CSMD3: variants seen among roughly 807,000 people sequenced by gnomAD.
CSMD3 encodes the protein CUB and sushi domain-containing protein 3.
CSMD3 carries 177 observed loss-of-function variants against 435.2 expected under a neutral mutation model. The observed-to-expected ratio is 0.41, with a 90% CI of 0.36 to 0.46. The LOEUF is 0.46. Among genes scored for constraint, CSMD3 ranks in the 20% least tolerant of loss-of-function variants. CSMD3 has a pLI of 0.34. For missense variants in CSMD3, 4,265 were observed against 4,504.6 expected, an observed-to-expected ratio of 0.95 and a Z score of 1.52; for synonymous variants, 1,656 against 1,520.5, an observed-to-expected ratio of 1.09 and a Z score of -2.07.
At position 113,376,650 on chromosome 8, in the gene CSMD3, CCAGG is replaced by C. The variant is rs1476310252; in HGVS notation, c.178+60023_178+60026del. The C allele has an allele frequency of 6.1e-6, 9 of 1,464,456 alleles. No individual in the cohort carries two copies. In the African/African-American group the frequency reaches 1.3e-4, roughly 20 times the overall value. The allele number at this position is 1,464,456 out of a possible 1,614,324, so 90.7% of individuals were successfully genotyped here. The stretch of plus-strand genomic sequence containing the variant: ...TACCACTCTCTCTTTCCAGACCTGG[CCAGG>C]CAGGAGGCGCCATCATGGGAGTTGA... On this transcript the variant is annotated intron_variant, in intron 1 of 70. Coordinates refer to ENST00000297405, the MANE Select transcript of CSMD3 (RefSeq NM_198123.2).
At chr8:112,386,397 T>TG (rs1166178299) in intron 36 of CSMD3, among the ~76,000 whole-genome samples, 6 of 152,154 alleles carry the variant, frequency 3.9e-5, no homozygotes, top group Admixed American at 3.9e-4. Flanking sequence ...AAGCAGAATT[T>TG]GGCCAGAAGA....
intron 1 of CSMD3, among the ~76,000 whole-genome samples, chr8:113,360,570 CTTTTTT>C (rs35009987): frequency 2.2e-5 from 2 of 88,908 alleles, no homozygotes; most frequent in African/African-American, 9.3e-5. Flanking sequence ...TGACTTCAGT[CTTTTTT>C]TTTTTTTTTT....
chr8:112,548,287 ACC>A (rs2131176074), intron 27 of CSMD3, among the ~76,000 whole-genome samples: 1 of 152,096 alleles, frequency 6.6e-6, no homozygotes, highest in South Asian at 2.1e-4. Flanking sequence ...TTAGATTGGG[ACC>A]TTTGATGTGG....
intron 32 of CSMD3, among the ~76,000 whole-genome samples, chr8:112,446,102 A>T (rs1815575853): frequency 6.6e-6 from 1 of 152,206 alleles, no homozygotes; most frequent in African/African-American, 2.4e-5. Flanking sequence ...ATCAATGAAC[A>T]TCCATGATAA....
At chr8:112,906,113 C>G (rs1358476856) in intron 10 of CSMD3, among the ~76,000 whole-genome samples, 1 of 151,342 alleles carries the variant, frequency 6.6e-6, no homozygotes, top group Non-Finnish European at 1.5e-5. Flanking sequence ...AAACTTCCAG[C>G]CTCCAGAACT....
At chr8:112,650,637 A>G (rs1388371294) in intron 18 of CSMD3, among the ~76,000 whole-genome samples, 1 of 152,206 alleles carries the variant, frequency 6.6e-6, no homozygotes, top group Non-Finnish European at 1.5e-5. Flanking sequence ...ATATATCACA[A>G]TAATCATAGC....
rs1456873519 is a variant in CSMD3, at chr8:113,302,875, G to A, written c.401+11696C>T. On this transcript the variant is annotated intron_variant, in intron 2 of 70. Transcript: ENST00000297405. ...CAAGACAGGGATGCCCTCTCTCACC[G>A]CTCCTATTCAACATAGTGTTGGAAG... Among the ~76,000 whole-genome samples the A allele has an allele frequency of 7.6e-3, 1,092 of 142,976 alleles. 15 individuals are homozygous for A. The highest frequency in any genetic ancestry group is 0.027 in the African/African-American group (1,003 of 37,678). The allele number at this position is 142,976 out of a possible 152,430, so 93.8% of individuals were successfully genotyped here.
intron 27 of CSMD3, among the ~76,000 whole-genome samples, chr8:112,528,136 TA>T (rs1179559409): frequency 1.3e-5 from 2 of 152,170 alleles, no homozygotes; most frequent in Non-Finnish European, 2.9e-5. Flanking sequence ...CACCACTTTT[TA>T]AAAAAATTTT....
chr8:112,824,837 C>G (rs1028879024), intron 12 of CSMD3, among the ~76,000 whole-genome samples: 2 of 152,044 alleles, frequency 1.3e-5, no homozygotes, highest in Non-Finnish European at 2.9e-5. Context: ...TTTCCTGAAT[C>G]TGAATGTTGG....
chr8:112,856,236 T>C (rs1489786818), intron 11 of CSMD3, among the ~76,000 whole-genome samples: 1 of 151,870 alleles, frequency 6.6e-6, no homozygotes, highest in Non-Finnish European at 1.5e-5. Context: ...TAAATGAACA[T>C]CAAAAATGTA....
intron 12 of CSMD3, among the ~76,000 whole-genome samples, chr8:112,811,020 T>C (rs555133233): frequency 2.6e-5 from 4 of 152,124 alleles, no homozygotes; most frequent in African/African-American, 9.6e-5. Flanking sequence ...TATTCACTAT[T>C]GGTTCACTTA....
At chr8:112,335,081 T>A (rs1394143059) in intron 45 of CSMD3, among the ~76,000 whole-genome samples, 1 of 152,210 alleles carries the variant, frequency 6.6e-6, no homozygotes, top group East Asian at 1.9e-4. Flanking sequence ...AAATGATTAT[T>A]TTCCAGTGGG....
intron 27 of CSMD3, among the ~76,000 whole-genome samples, chr8:112,537,572 C>G (rs1372096598): frequency 3.3e-5 from 5 of 151,688 alleles, no homozygotes; most frequent in African/African-American, 1.2e-4. Flanking sequence ...CACAGAAACA[C>G]AAGGAATTAT....
chr8:112,678,996 G>C (rs996417547), intron 16 of CSMD3, among the ~76,000 whole-genome samples: 4 of 151,154 alleles, frequency 2.6e-5, no homozygotes, highest in African/African-American at 9.7e-5. Flanking sequence ...CAGAAAAAAG[G>C]AGACAGGAGG....
At chr8:113,402,829 T>C (rs2094516003) in intron 1 of CSMD3, among the ~76,000 whole-genome samples, 1 of 151,324 alleles carries the variant, frequency 6.6e-6, no homozygotes, top group African/African-American at 2.4e-5. Context: ...TAGTAAATAA[T>C]TTATTAGGAA....
intron 18 of CSMD3, among the ~76,000 whole-genome samples, chr8:112,651,165 GTAAT>G (rs2075117567): frequency 6.6e-6 from 1 of 152,032 alleles, no homozygotes; most frequent in African/African-American, 2.4e-5. Flanking sequence ...ACTATAACAA[GTAAT>G]TATTTTTTTC....
At chr8:113,409,778 T>C (rs908992867) in intron 1 of CSMD3, among the ~76,000 whole-genome samples, 1 of 152,144 alleles carries the variant, frequency 6.6e-6, no homozygotes, top group Non-Finnish European at 1.5e-5. Flanking sequence ...TTCTGGATCA[T>C]TGAATGCATC....
intron 59 of CSMD3, among the ~76,000 whole-genome samples, chr8:112,270,779 T>C (rs554255166): frequency 1.3e-5 from 2 of 152,222 alleles, no homozygotes; most frequent in African/African-American, 2.4e-5. Flanking sequence ...CTCTGATTTG[T>C]CATTACTCAG....
chr8:112,483,371 T>C (rs1376178377), intron 31 of CSMD3, among the ~76,000 whole-genome samples: 1 of 152,058 alleles, frequency 6.6e-6, no homozygotes, highest in Non-Finnish European at 1.5e-5. Flanking sequence ...CAGGTGCCTA[T>C]AATCCTAGCT....
Sources: gnomAD v4.1 joint callset for allele counts (sites outside exome capture counted in the v4.1 genomes callset) on GRCh38, gnomAD v4.1.1 for gene constraint, MANE v1.5 for transcripts, NCBI Gene and HGNC (gene_info 2026-07-23, HGNC 2026-07-21) for gene names.